NOL10: variants seen among roughly 807,000 people sequenced by gnomAD.
NOL10 encodes nucleolar protein 10, also known as H_NH0074G24.1.
A neutral mutation model predicts 103.5 loss-of-function variants in NOL10; 58 were observed. That is an observed-to-expected ratio of 0.56 (90% confidence interval 0.45 to 0.70). The LOEUF (loss-of-function observed/expected upper bound fraction) is 0.70. NOL10 is among the 30% of genes least tolerant of loss of function. NOL10 has a pLI of 0.00. For synonymous variants in NOL10, 287 were observed against 282.5 expected, an observed-to-expected ratio of 1.02 and a Z score of -0.16; for missense variants, 763 against 807.3, an observed-to-expected ratio of 0.95 and a Z score of 0.67.
chr2:10,585,425 TTTC>T (rs1282248456), intron 19 of NOL10, among the ~76,000 whole-genome samples: 2 of 152,236 alleles, frequency 1.3e-5, no homozygotes, highest in African/African-American at 4.8e-5. Context: ...TGACCAGCAA[TTTC>T]TTCCAATTCT....
chr2:10,594,748 T>C (rs187728780), intron 17 of NOL10, among the ~76,000 whole-genome samples: 49 of 152,188 alleles, frequency 3.2e-4, no homozygotes, highest in African/African-American at 1.1e-3. Flanking sequence ...CCCAACACTT[T>C]GGGAGGCTGA....
chr2:10,576,556 C>T (rs1322064679), intron 20 of NOL10, among the ~76,000 whole-genome samples: 1 of 152,178 alleles, frequency 6.6e-6, no homozygotes, highest in Non-Finnish European at 1.5e-5. Flanking sequence ...ATGCAAGCTA[C>T]ACCACTGAAT....
At chr2:10,650,662 G>A (rs549013676) in intron 12 of NOL10, among the ~76,000 whole-genome samples, 28 of 152,262 alleles carry the variant, frequency 1.8e-4, no homozygotes, top group Non-Finnish European at 3.1e-4. Context: ...AGGAGGCCTA[G>A]GCAGGATCGC....
In NOL10 at chr2:10,679,439, G is replaced by A. The variant is rs1299432507; in HGVS notation, c.211+2532C>T. Among the ~76,000 whole-genome samples the A allele has an allele frequency of 2.0e-5, 3 of 151,998 alleles. No homozygotes were observed. In the East Asian group the frequency reaches 5.8e-4, roughly 29 times the overall value. ...TCTAGCCACTCAGGAAGCTGAGGAA[G>A]GAGGATGGCTTGAGCCCATAAGTTC... On this transcript the variant is annotated intron_variant, in intron 3 of 20. Coordinates refer to ENST00000381685, the MANE Select transcript of NOL10 (RefSeq NM_024894.4).
chr2:10,606,467 G>T (rs998416679), intron 14 of NOL10, among the ~76,000 whole-genome samples: 5 of 151,938 alleles, frequency 3.3e-5, no homozygotes, highest in Non-Finnish European at 7.4e-5. Context: ...TTACCATGCT[G>T]CATGGCAGTG....
chr2:10,614,985 C>A (rs1249940563), intron 13 of NOL10, among the ~76,000 whole-genome samples: 19 of 152,178 alleles, frequency 1.2e-4, no homozygotes, highest in Admixed American at 1.2e-3. Context: ...CTAGGAGCAG[C>A]AGCATGTATT....
intron 13 of NOL10, among the ~76,000 whole-genome samples, chr2:10,629,723 A>T (rs6752145): frequency 0.22 from 32,722 of 152,138 alleles, 4,595 homozygotes; most frequent in East Asian, 0.44. Flanking sequence ...CTATATCTTA[A>T]GTGATTATCA....
intron 16 of NOL10, among the ~76,000 whole-genome samples, chr2:10,602,496 T>A (rs1326481257): frequency 6.6e-6 from 1 of 152,220 alleles, no homozygotes; most frequent in Non-Finnish European, 1.5e-5. Context: ...TTAAAAATGC[T>A]ATCAGGTTTC....
At chr2:10,627,656 C>G (rs562454113) in intron 13 of NOL10, among the ~76,000 whole-genome samples, 1 of 151,276 alleles carries the variant, frequency 6.6e-6, no homozygotes, top group South Asian at 2.1e-4. Context: ...GCCTGGGTGA[C>G]AGCGTAAGAC....
intron 6 of NOL10, among the ~76,000 whole-genome samples, chr2:10,670,881 T>C (rs1167137762): frequency 1.3e-5 from 2 of 151,820 alleles, no homozygotes; most frequent in South Asian, 4.1e-4. Flanking sequence ...GAAACAACTG[T>C]TTTTTAAATT....
chr2:10,639,148 C>G (rs1017568952), intron 13 of NOL10, among the ~76,000 whole-genome samples: 2 of 151,342 alleles, frequency 1.3e-5, no homozygotes, highest in South Asian at 4.2e-4. Context: ...TTGGGCCAGG[C>G]GCGGTGGCTC....
At chr2:10,586,726 T>C (rs1675039378) in intron 19 of NOL10, among the ~76,000 whole-genome samples, 1 of 152,140 alleles carries the variant, frequency 6.6e-6, no homozygotes, top group Admixed American at 6.5e-5. Flanking sequence ...ACCTTTACAA[T>C]GATCCTCTCC....
intron 13 of NOL10, among the ~76,000 whole-genome samples, chr2:10,609,605 AAAAG>A (rs1676449550): frequency 1.3e-5 from 2 of 152,152 alleles, no homozygotes; most frequent in African/African-American, 2.4e-5. Context: ...GACTCAAAAA[AAAAG>A]AAAGGACTTC....
chr2:10,663,937 C>T lies in NOL10; in HGVS notation c.592-893G>A, dbSNP rs1170306783. ...CTGCACTCCAGCCTGGGCGACAGAG[C>T]GAGACTCCGTCTCCAAAAAAAAAAA... On this transcript the variant is annotated intron_variant, in intron 8 of 20. Coordinates refer to ENST00000381685, the MANE Select transcript of NOL10 (RefSeq NM_024894.4). Among the ~76,000 whole-genome samples, 7 of 148,018 alleles carry T rather than the reference C, an allele frequency of 4.7e-5. No individual in the cohort carries two copies. In the East Asian group the frequency reaches 1.4e-3, roughly 30 times the overall value.
At chr2:10,656,790 T>A (rs1679868837) in intron 11 of NOL10, among the ~76,000 whole-genome samples, 1 of 152,216 alleles carries the variant, frequency 6.6e-6, no homozygotes, top group South Asian at 2.1e-4. Context: ...GTTTTTAAAC[T>A]AAAAATGCTA....
At chr2:10,595,631 G>A (rs1283463228) in intron 17 of NOL10, among the ~76,000 whole-genome samples, 1 of 144,824 alleles carries the variant, frequency 6.9e-6, no homozygotes, top group Non-Finnish European at 1.5e-5. Flanking sequence ...TTGAGATGGA[G>A]TCTTGCTCTG....
At chr2:10,610,836 G>A (rs1676525342) in intron 13 of NOL10, among the ~76,000 whole-genome samples, 1 of 152,108 alleles carries the variant, frequency 6.6e-6, no homozygotes, top group Non-Finnish European at 1.5e-5. Context: ...ACAACTTGAG[G>A]AAAACATCCT....
chr2:10,648,341 C>A (rs181081896), intron 12 of NOL10, among the ~76,000 whole-genome samples: 1 of 152,066 alleles, frequency 6.6e-6, no homozygotes, highest in African/African-American at 2.4e-5. Context: ...AAGAGTTGAA[C>A]GGGAGGAAAA....
At position 10,589,756 on chromosome 2, in the gene NOL10, A is replaced by G. The variant is rs1246339969; in HGVS notation, c.1423-5T>C. The stretch of plus-strand genomic sequence containing the variant: ...GGTGAGAATATTAGGAAGACTCTAC[A>G]AGGAGGAAAAAGTACGTAAAAATTT... On this transcript the variant is annotated splice_polypyrimidine_tract_variant and splice_region_variant and intron_variant, in intron 17 of 20. Transcript: ENST00000381685. 2.7e-6 allele frequency: 4 copies of G among 1,468,670 alleles called. No individual in the cohort carries two copies. The African/African-American group carries it at 4.3e-5, about 16-fold the overall frequency. 91.0% of individuals were successfully genotyped at this position (1,468,670 alleles called of 1,614,324 possible).
Sources: allele counts gnomAD v4.1 joint callset (sites outside exome capture counted in the v4.1 genomes callset), GRCh38; gene constraint gnomAD v4.1.1; transcripts MANE v1.5; gene names NCBI Gene and HGNC (gene_info 2026-07-23, HGNC 2026-07-21).